The following KDM4B variants were observed in gnomAD, a reference collection of about 807,000 sequenced individuals.
KDM4B encodes lysine-specific demethylase 4B.
KDM4B carries 32 observed loss-of-function variants against 125.2 expected under a neutral mutation model. The ratio of observed to expected loss-of-function variants is 0.26; its 90% CI spans 0.19 to 0.34. KDM4B has a LOEUF of 0.34. KDM4B is among the 10% of genes least tolerant of loss of function. The pLI, the probability that KDM4B is intolerant of heterozygous loss-of-function variation, is 1.00. For missense variants in KDM4B, 1,190 were observed against 1,577.7 expected (o/e 0.75, Z 4.16); for synonymous variants, 721 against 677.9 (o/e 1.06, Z -0.99).
intron 6 of KDM4B, among the ~76,000 whole-genome samples, chr19:5,062,332 G>A (rs1008948992): frequency 2.6e-5 from 4 of 152,194 alleles, no homozygotes; most frequent in African/African-American, 7.2e-5. Flanking sequence ...TGCCTGTCCT[G>A]GGCGACCCAT....
chr19:4,983,439 G>A (rs567303430), intron 1 of KDM4B, among the ~76,000 whole-genome samples: 77 of 152,354 alleles, frequency 5.1e-4, no homozygotes, highest in South Asian at 8.3e-4. Context: ...CGACAGGTGC[G>A]GCTGAAGAAG....
chr19:5,145,561 C>G (rs1245717165), intron 21 of KDM4B, among the ~76,000 whole-genome samples: 1 of 152,138 alleles, frequency 6.6e-6, no homozygotes, highest in African/African-American at 2.4e-5. Context: ...ACACTCCAGC[C>G]TGGGTGACAG....
At chr19:5,021,941 T>C (rs1193209319) in intron 2 of KDM4B, among the ~76,000 whole-genome samples, 1 of 152,176 alleles carries the variant, frequency 6.6e-6, no homozygotes, top group Non-Finnish European at 1.5e-5. Flanking sequence ...GCCAGATTTT[T>C]AATTTAAGAG....
intron 21 of KDM4B, among the ~76,000 whole-genome samples, chr19:5,148,856 C>G (rs1054331096): frequency 6.6e-6 from 1 of 152,224 alleles, no homozygotes; most frequent in African/African-American, 2.4e-5. Context: ...GGTGGCTTTC[C>G]TCTACAAATG....
chr19:5,040,627 C>T (rs913548218), intron 4 of KDM4B, among the ~76,000 whole-genome samples: 4 of 152,158 alleles, frequency 2.6e-5, no homozygotes, highest in African/African-American at 7.2e-5. Flanking sequence ...GGCACAGCCA[C>T]GTAGCCTCCG....
chr19:5,077,285 C>G (rs571940607), intron 7 of KDM4B, 82 bp from the exon 8 acceptor site: 1 of 1,198,344 alleles, frequency 8.3e-7, no homozygotes, highest in South Asian at 1.3e-5. Context: ...GAGGAAAGAG[C>G]CAGCCTGCCC....
chr19:5,070,660 G>A (rs112139677), intron 6 of KDM4B: 184 of 180,468 alleles, frequency 1.0e-3, no homozygotes, highest in Non-Finnish European at 1.6e-3. Context: ...GGGTCCCCTC[G>A]CCACCCGCAG....
chr19:5,053,899 G>A (rs543968526), intron 6 of KDM4B, among the ~76,000 whole-genome samples: 64 of 152,356 alleles, frequency 4.2e-4, no homozygotes, highest in Middle Eastern at 3.4e-3. Flanking sequence ...GGGTTGCTGC[G>A]TGGCCAGGCA....
chr19:5,138,934 C>T (rs574259644), intron 18 of KDM4B, among the ~76,000 whole-genome samples: 1 of 152,188 alleles, frequency 6.6e-6, no homozygotes, highest in Non-Finnish European at 1.5e-5. Context: ...CGGCTTCTTT[C>T]TTAAGAGACA....
chr19:5,058,675 C>T (rs573519875), intron 6 of KDM4B, among the ~76,000 whole-genome samples: 152 of 152,358 alleles, frequency 1.0e-3, no homozygotes, highest in African/African-American at 3.4e-3. Context: ...GTCCTGTCTG[C>T]GGCCCCTCGC....
Position 5,144,310 on chromosome 19 carries a change from G to A in KDM4B, c.2799G>A (p.Leu933=), listed in dbSNP as rs2039799677. 2.5e-6 allele frequency: 4 copies of A among 1,589,842 alleles called. No individual in the cohort carries two copies. Among genetic ancestry groups the A allele is most frequent in the Non-Finnish European group, 3.4e-6 (4 of 1,168,638 alleles). The change falls in exon 20 of 23, where the codon CTG becomes CTA. Residue 933 remains leucine (L), a synonymous_variant. Coordinates refer to ENST00000159111, the MANE Select transcript of KDM4B (RefSeq NM_015015.3). ...QVVITKNRNG[L]YYRCRVIGAA... ...TCATCACCAAGAACCGCAACGGGCT[G>A]TACTACCGCTGTCGCGTCATCGGTG...
chr19:5,105,185 A>G (rs994191391), intron 9 of KDM4B, among the ~76,000 whole-genome samples: 8 of 152,208 alleles, frequency 5.3e-5, no homozygotes, highest in Admixed American at 4.6e-4. Context: ...GCAGGAGGCC[A>G]GGACTCTCCA....
At chr19:5,146,250 G>A (rs1350971359) in intron 21 of KDM4B, among the ~76,000 whole-genome samples, 4 of 145,628 alleles carry the variant, frequency 2.7e-5, no homozygotes, top group African/African-American at 5.2e-5. Flanking sequence ...CCCCCGCTCC[G>A]CCGTGCAGGC....
intron 2 of KDM4B, among the ~76,000 whole-genome samples, chr19:5,025,923 C>T (rs1373324839): frequency 6.6e-6 from 1 of 152,020 alleles, no homozygotes; most frequent in African/African-American, 2.4e-5. Flanking sequence ...TCACTCGTTG[C>T]CCAGGCTGGA....
intron 5 of KDM4B, among the ~76,000 whole-genome samples, chr19:5,046,591 T>C (rs2037034032): frequency 1.3e-5 from 2 of 152,232 alleles, no homozygotes; most frequent in African/African-American, 4.8e-5. Flanking sequence ...CTCCGGGGAC[T>C]GCAGTGACTA....
chr19:5,016,401 C>T (rs1450122160), intron 2 of KDM4B, 62 bp downstream of exon 2: 2 of 152,234 alleles, frequency 1.3e-5, no homozygotes, highest in East Asian at 1.9e-4. Flanking sequence ...AAGGCTGTGG[C>T]CTCTTCCCTG....
intron 1 of KDM4B, among the ~76,000 whole-genome samples, chr19:4,978,093 T>C (rs190293773): frequency 1.9e-4 from 29 of 152,300 alleles, no homozygotes; most frequent in African/African-American, 6.7e-4. Context: ...TTGCCGTCCC[T>C]AGCATGCACT....
chr19:5,063,936 G>C (rs1437573855), intron 6 of KDM4B, among the ~76,000 whole-genome samples: 1 of 152,210 alleles, frequency 6.6e-6, no homozygotes, highest in Non-Finnish European at 1.5e-5. Context: ...CATGTCGGCT[G>C]AGGGGCTCGT....
chr19:4,972,920 C>T (rs944358112), intron 1 of KDM4B, among the ~76,000 whole-genome samples: 2 of 152,170 alleles, frequency 1.3e-5, no homozygotes, highest in African/African-American at 4.8e-5. Context: ...TCTGTGGGGT[C>T]TTCTGGGCTG....
Sources: gnomAD v4.1 joint callset for allele counts (sites outside exome capture counted in the v4.1 genomes callset) on GRCh38, gnomAD v4.1.1 for gene constraint, MANE v1.5 for transcripts, NCBI Gene and HGNC (gene_info 2026-07-23, HGNC 2026-07-21) for gene names.